The following LARGE1 variants were observed in gnomAD, a reference collection of about 807,000 sequenced individuals.
The protein encoded by LARGE1 is LARGE xylosyl- and glucuronyltransferase 1, also known as xylosyl- and glucuronyltransferase LARGE1.
LARGE1 carries 43 observed loss-of-function variants against 87.6 expected under a neutral mutation model. That is an observed-to-expected ratio of 0.49 (90% confidence interval 0.38 to 0.63). The LOEUF (loss-of-function observed/expected upper bound fraction) is 0.63. Ranked by LOEUF, LARGE1 falls within the 30% of genes least tolerant of loss-of-function variation. The pLI, the probability that LARGE1 is intolerant of heterozygous loss-of-function variation, is 0.00. For missense variants in LARGE1, 802 were observed against 1,000.2 expected (o/e 0.80, Z 2.67); for synonymous variants, 434 against 394.6 (o/e 1.10, Z -1.18).
At chr22:33,449,340 G>A (rs977751523) in intron 6 of LARGE1, among the ~76,000 whole-genome samples, 4 of 152,214 alleles carry the variant, frequency 2.6e-5, no homozygotes, top group African/African-American at 7.2e-5. Context: ...GGAAGGGAAC[G>A]CAGAAAAGGA....
intron 1 of LARGE1, among the ~76,000 whole-genome samples, chr22:33,819,483 T>G (rs1331658925): frequency 6.6e-6 from 1 of 152,004 alleles, no homozygotes; most frequent in African/African-American, 2.4e-5. Context: ...TGGCTATCCA[T>G]CCACAGGCTG....
intron 1 of LARGE1, among the ~76,000 whole-genome samples, chr22:33,786,796 C>T (rs879344403): frequency 7.9e-5 from 12 of 152,204 alleles, no homozygotes; most frequent in South Asian, 2.1e-4. Flanking sequence ...CCAAGGTGGG[C>T]GGATCACCAG....
At chr22:33,698,410 C>T (rs2082316369) in intron 2 of LARGE1, among the ~76,000 whole-genome samples, 1 of 151,810 alleles carries the variant, frequency 6.6e-6, no homozygotes, top group African/African-American at 2.4e-5. Context: ...AAGCGATTCT[C>T]TTGCCTCAGC....
At chr22:33,906,728 G>T (rs1459742354) in intron 1 of LARGE1, among the ~76,000 whole-genome samples, 1 of 152,102 alleles carries the variant, frequency 6.6e-6, no homozygotes, top group Non-Finnish European at 1.5e-5. Flanking sequence ...GCAACCATTT[G>T]CTTTTACCTT....
At chr22:33,596,402 A>T (rs1388483544) in intron 5 of LARGE1, among the ~76,000 whole-genome samples, 1 of 152,184 alleles carries the variant, frequency 6.6e-6, no homozygotes, top group Non-Finnish European at 1.5e-5. Context: ...AAAGCCCATG[A>T]CAGAGGCCAG....
chr22:33,500,512 C>T (rs1305411400), intron 6 of LARGE1, among the ~76,000 whole-genome samples: 2 of 152,152 alleles, frequency 1.3e-5, no homozygotes, highest in Admixed American at 1.3e-4. Context: ...TATAAAAATT[C>T]TAGTGAATTT....
chr22:33,656,400 A>T (rs562974546), intron 2 of LARGE1, among the ~76,000 whole-genome samples: 40 of 152,304 alleles, frequency 2.6e-4, no homozygotes, highest in African/African-American at 8.7e-4. Flanking sequence ...AACCGCCCCC[A>T]TGATTCAATT....
At chr22:33,097,261 G>A in the LARGE1 span, among the ~76,000 whole-genome samples, 54 of 152,312 alleles carry the variant, frequency 3.5e-4, no homozygotes, top group East Asian at 6.0e-3. Context: ...AAAAGAAAAT[G>A]AGAGAGGTCA....
At chr22:33,720,645 T>C (rs1473496178) in intron 2 of LARGE1, among the ~76,000 whole-genome samples, 3 of 152,210 alleles carry the variant, frequency 2.0e-5, no homozygotes, top group Non-Finnish European at 4.4e-5. Context: ...GAGGTCCAAG[T>C]CCCAGAGTCC....
At chr22:33,297,455 C>CA (rs1457031793) in intron 12 of LARGE1, among the ~76,000 whole-genome samples, 8 of 149,970 alleles carry the variant, frequency 5.3e-5, no homozygotes, top group South Asian at 2.1e-4. Flanking sequence ...CTGAAAAATA[C>CA]AAAAAAAATT....
intron 2 of LARGE1, among the ~76,000 whole-genome samples, chr22:33,704,113 C>T (rs1194933573): frequency 2.0e-5 from 3 of 152,220 alleles, no homozygotes; most frequent in Non-Finnish European, 4.4e-5. Context: ...GACCACATGT[C>T]TAATTATCCA....
At chr22:33,675,318 A>AAAAAAAAAAAAAAAAAAAAAAAG (rs56272266) in intron 2 of LARGE1, among the ~76,000 whole-genome samples, 1 of 145,792 alleles carries the variant, frequency 6.9e-6, no homozygotes, top group African/African-American at 2.5e-5. Flanking sequence ...AAAAAAAAAA[A>AAAAAAAAAAAAAAAAAAAAAAAG]GAACACAAGA....
chr22:33,547,359 GCTA>G (rs34162025), intron 6 of LARGE1, among the ~76,000 whole-genome samples: 67,641 of 151,756 alleles, frequency 0.45, 15,613 homozygotes, highest in Admixed American at 0.52. Flanking sequence ...CAGGGTTTGC[GCTA>G]CTATGGGAAT....
At chr22:33,249,833 A>G (rs1159103853) in intron 11 of LARGE1, among the ~76,000 whole-genome samples, 1 of 152,202 alleles carries the variant, frequency 6.6e-6, no homozygotes, top group Non-Finnish European at 1.5e-5. Flanking sequence ...CCTTTGTCAA[A>G]GATCAGCTGA....
exon 12 of LARGE1, chr22:33,165,195 A>G (rs1922201426): frequency 6.6e-6 from 1 of 152,224 alleles, no homozygotes; most frequent in African/African-American, 2.4e-5. Flanking sequence ...TTTACCCCAG[A>G]AGAACTTCGG....
intron 11 of LARGE1, among the ~76,000 whole-genome samples, chr22:33,245,916 A>AAAAC (rs561372038): frequency 4.6e-5 from 7 of 152,320 alleles, no homozygotes; most frequent in South Asian, 2.1e-4. Context: ...CTCAAAAACA[A>AAAAC]AAACAAACAA....
At chr22:33,087,456 TG>T in the LARGE1 span, among the ~76,000 whole-genome samples, 1 of 152,086 alleles carries the variant, frequency 6.6e-6, no homozygotes, top group African/African-American at 2.4e-5. Flanking sequence ...ACTGGATCAG[TG>T]ATGTACTTAT....
chr22:33,704,108 CAT>C (rs777491717), intron 2 of LARGE1, among the ~76,000 whole-genome samples: 1 of 152,194 alleles, frequency 6.6e-6, no homozygotes, highest in Non-Finnish European at 1.5e-5. Context: ...GGAATGACCA[CAT>C]GTCTAATTAT....
intron 4 of LARGE1, among the ~76,000 whole-genome samples, chr22:33,609,448 T>C (rs1352044918): frequency 1.3e-5 from 2 of 152,120 alleles, no homozygotes; most frequent in African/African-American, 2.4e-5. Flanking sequence ...GTGAAAGAGA[T>C]GACATTTTGG....
Sources: gnomAD v4.1 joint callset for allele counts (sites outside exome capture counted in the v4.1 genomes callset) on GRCh38, gnomAD v4.1.1 for gene constraint, MANE v1.5 for transcripts, NCBI Gene and HGNC (gene_info 2026-07-23, HGNC 2026-07-21) for gene names.